The following ADAM18 variants were observed in gnomAD, a reference collection of about 807,000 sequenced individuals.
The protein encoded by ADAM18 is disintegrin and metalloproteinase domain-containing protein 18.
A neutral mutation model predicts 94.4 loss-of-function variants in ADAM18; 117 were observed. The observed-to-expected ratio is 1.24, with a 90% CI of 1.07 to 1.45. The LOEUF (loss-of-function observed/expected upper bound fraction) is 1.45, where lower values mean the gene tolerates loss of function less well. ADAM18 is among the 40% of genes most tolerant of loss of function. ADAM18 has a pLI of 0.00. For missense variants in ADAM18, 936 were observed against 880.0 expected (o/e 1.06, Z -0.81); for synonymous variants, 327 against 291.6 (o/e 1.12, Z -1.24).
intron 6 of ADAM18, 43 bp downstream of exon 6, chr8:39,610,749 C>T (rs751829199): frequency 1.2e-5 from 18 of 1,554,286 alleles, no homozygotes; most frequent in Non-Finnish European, 1.5e-5. Context: ...TAGAACATTG[C>T]CTGTGTAGTT....
At chr8:39,677,767 T>G (rs1303489511) in intron 15 of ADAM18, among the ~76,000 whole-genome samples, 1 of 152,102 alleles carries the variant, frequency 6.6e-6, no homozygotes. Context: ...AAGAAGAAAA[T>G]GGACACACAC....
intron 17 of ADAM18, among the ~76,000 whole-genome samples, chr8:39,696,733 T>C (rs1271814108): frequency 1.3e-5 from 2 of 151,722 alleles, no homozygotes; most frequent in Middle Eastern, 3.4e-3. Context: ...TATGTCTGTC[T>C]TCATGCCAAA....
chr8:39,677,186 C>T (rs1205273808), intron 14 of ADAM18, among the ~76,000 whole-genome samples: 1 of 152,072 alleles, frequency 6.6e-6, no homozygotes, highest in Non-Finnish European at 1.5e-5. Flanking sequence ...TATTTGCTCC[C>T]ACCAGAAAGA....
intron 18 of ADAM18, among the ~76,000 whole-genome samples, chr8:39,710,504 A>G (rs1822366130): frequency 6.6e-6 from 1 of 152,212 alleles, no homozygotes; most frequent in Admixed American, 6.5e-5. Context: ...CAAGATAAAT[A>G]TAAATAAACT....
Position 39,723,899 on chromosome 8 carries a change from G to A in ADAM18, c.2169G>A (p.Glu723=), listed in dbSNP as rs754779354. The A allele has an allele frequency of 2.0e-6, 3 of 1,512,244 alleles. No individual in the cohort carries two copies. The highest frequency in any genetic ancestry group is 1.3e-5 in the South Asian group (1 of 76,632). The allele number at this position is 1,512,244 out of a possible 1,614,324, so 93.7% of individuals were successfully genotyped here. A position where few individuals can be genotyped will look rare whatever the true frequency, so the allele number is the denominator to read the frequency against. The part of the protein sequence containing the change: ...ISKSCNRENA[E]YNRNSSVVSE... The stretch of plus-strand genomic sequence containing the variant: ...AATCATGTAACAGAGAGAATGCAGA[G>A]TATAATCGGTAAATATGATATAGAA... Residue 723 remains glutamate, a synonymous_variant, in exon 19 of 20, where the codon GAG becomes GAA. Coordinates refer to ENST00000265707, the MANE Select transcript of ADAM18 (RefSeq NM_014237.3).
At chr8:39,624,664 G>T (rs1275719155) in intron 6 of ADAM18, among the ~76,000 whole-genome samples, 1 of 152,158 alleles carries the variant, frequency 6.6e-6, no homozygotes, top group Non-Finnish European at 1.5e-5. Context: ...GTAATCCTCA[G>T]TGTTGGAGGT....
intron 2 of ADAM18, among the ~76,000 whole-genome samples, 169 bp downstream of exon 2, chr8:39,585,521 C>A (rs977084997): frequency 2.6e-5 from 4 of 152,152 alleles, no homozygotes; most frequent in Non-Finnish European, 5.9e-5. Context: ...CCCATTTCTG[C>A]TGCTTATTTC....
chr8:39,710,944 C>T (rs897181333), intron 18 of ADAM18, among the ~76,000 whole-genome samples: 2 of 152,130 alleles, frequency 1.3e-5, no homozygotes, highest in African/African-American at 4.8e-5. Context: ...TGAGCTGTCA[C>T]CTGAGGCTAA....
intron 18 of ADAM18, among the ~76,000 whole-genome samples, chr8:39,710,405 A>G (rs1329364526): frequency 1.3e-5 from 2 of 152,238 alleles, no homozygotes; most frequent in African/African-American, 4.8e-5. Flanking sequence ...ATGTACAGAA[A>G]AGACATTTGA....
At chr8:39,663,425 C>CAAA (rs374386277) in intron 12 of ADAM18, among the ~76,000 whole-genome samples, 6 of 102,812 alleles carry the variant, frequency 5.8e-5, no homozygotes, top group African/African-American at 1.3e-4. Context: ...CTAGTCTTTA[C>CAAA]AAAAAAAAAA....
intron 12 of ADAM18, among the ~76,000 whole-genome samples, chr8:39,660,945 T>C (rs1322249921): frequency 6.6e-6 from 1 of 152,120 alleles, no homozygotes; most frequent in Non-Finnish European, 1.5e-5. Flanking sequence ...GTCTGAGAAG[T>C]TGAAGTTTTA....
intron 12 of ADAM18, among the ~76,000 whole-genome samples, chr8:39,656,614 A>G (rs1343360065): frequency 6.6e-6 from 1 of 152,208 alleles, no homozygotes; most frequent in East Asian, 1.9e-4. Context: ...TGATAAAATA[A>G]AATATCAGAT....
intron 12 of ADAM18, among the ~76,000 whole-genome samples, chr8:39,663,077 A>G (rs1353478396): frequency 5.3e-5 from 8 of 152,170 alleles, no homozygotes; most frequent in Admixed American, 2.6e-4. Context: ...TTTATTTACA[A>G]TTGGAATCCT....
intron 12 of ADAM18, among the ~76,000 whole-genome samples, chr8:39,657,400 C>T (rs1820717779): frequency 6.6e-6 from 1 of 152,146 alleles, no homozygotes; most frequent in South Asian, 2.1e-4. Context: ...TAACCTCTGC[C>T]TCCCAGGTTC....
intron 16 of ADAM18, among the ~76,000 whole-genome samples, chr8:39,680,904 GA>G (rs1345871938): frequency 2.0e-5 from 3 of 152,118 alleles, no homozygotes; most frequent in Non-Finnish European, 4.4e-5. Context: ...ACAAAACCTA[GA>G]AATGGAGGAT....
At chr8:39,647,847 T>C (rs998311587) in intron 11 of ADAM18, among the ~76,000 whole-genome samples, 14 of 152,270 alleles carry the variant, frequency 9.2e-5, no homozygotes, top group South Asian at 8.3e-4. Flanking sequence ...GAGCTCAAGG[T>C]TGGGGCAAAG....
chr8:39,720,892 A>G (rs1004216159), intron 18 of ADAM18, among the ~76,000 whole-genome samples: 1 of 151,490 alleles, frequency 6.6e-6, no homozygotes, highest in Non-Finnish European at 1.5e-5. Flanking sequence ...TGATTTTCAA[A>G]CATAATGTTG....
chr8:39,616,275 G>A (rs1282313697), intron 6 of ADAM18, among the ~76,000 whole-genome samples: 3 of 151,990 alleles, frequency 2.0e-5, no homozygotes, highest in Admixed American at 6.6e-5. Flanking sequence ...TGGCGTGCAC[G>A]TGTATTCCCA....
chr8:39,710,162 T>A (rs1240745163), intron 18 of ADAM18, among the ~76,000 whole-genome samples: 3 of 152,152 alleles, frequency 2.0e-5, no homozygotes, highest in Admixed American at 6.5e-5. Context: ...TTCAGAAACA[T>A]CTCTGAGATT....
Sources: allele counts gnomAD v4.1 joint callset (sites outside exome capture counted in the v4.1 genomes callset), GRCh38; gene constraint gnomAD v4.1.1; transcripts MANE v1.5; gene names NCBI Gene and HGNC (gene_info 2026-07-23, HGNC 2026-07-21).